CLSPN: variants seen among roughly 807,000 people sequenced by gnomAD.
CLSPN encodes claspin, also known as claspin homolog.
CLSPN carries 85 observed loss-of-function variants against 156.3 expected under a neutral mutation model. The observed-to-expected ratio is 0.54, with a 90% CI of 0.46 to 0.65. The LOEUF (loss-of-function observed/expected upper bound fraction) is 0.65, where lower values mean the gene tolerates loss of function less well. Ranked by LOEUF, CLSPN falls within the 30% of genes least tolerant of loss-of-function variation. The pLI, the probability that CLSPN is intolerant of heterozygous loss-of-function variation, is 0.00. For synonymous variants in CLSPN, 534 were observed against 542.4 expected, an observed-to-expected ratio of 0.98 and a Z score of 0.22; for missense variants, 1,407 against 1,554.9, an observed-to-expected ratio of 0.90 and a Z score of 1.60.
In CLSPN at chr1:35,734,124, A is replaced by C; in HGVS notation, c.*2372T>G. 1 of 985,418 alleles carries C rather than the reference A, an allele frequency of 1.0e-6. No individual in the cohort carries two copies. Among genetic ancestry groups the C allele is most frequent in the Non-Finnish European group, 1.2e-6 (1 of 829,924 alleles). 61.0% of individuals were successfully genotyped at this position (985,418 alleles called of 1,614,324 possible). ...GGACTGAGAAGCCAGTGAGGGGACAATTGCAGCAGCTTCTCAGTTTAGACC... is the reference window on the plus strand; with the variant it reads ...GGACTGAGAAGCCAGTGAGGGGACACTTGCAGCAGCTTCTCAGTTTAGACC... On this transcript the variant is annotated 3_prime_UTR_variant, in exon 25 of 25. Transcript: ENST00000318121.
intron 8 of CLSPN, among the ~76,000 whole-genome samples, chr1:35,754,269 T>C (rs925296247): frequency 2.6e-5 from 4 of 152,210 alleles, no homozygotes; most frequent in African/African-American, 9.6e-5. Context: ...GAAAAAAGAT[T>C]ATAATCTCAT....
At chr1:35,737,201 A>G in intron 23 of CLSPN, 126 bp from the exon 24 acceptor site, 1 of 1,220,010 alleles carries the variant, frequency 8.2e-7, no homozygotes, top group South Asian at 1.3e-5. Flanking sequence ...ATAGAAAAGA[A>G]ATAGCAGACT....
At chr1:35,730,972 C>T (rs1042588274), downstream of CLSPN, among the ~76,000 whole-genome samples, 1 of 151,944 alleles carries the variant, frequency 6.6e-6, no homozygotes, top group South Asian at 2.1e-4. Context: ...GAGGCCAAGG[C>T]GGGCGGATCA....
At chr1:35,751,653 G>C in intron 9 of CLSPN, 147 bp from the exon 10 acceptor site, 1 of 1,017,164 alleles carries the variant, frequency 9.8e-7, no homozygotes, top group Non-Finnish European at 1.4e-6. Context: ...GAACACAAGA[G>C]TATTATTATG....
At chr1:35,750,895 T>A (rs1459794273) in intron 10 of CLSPN, among the ~76,000 whole-genome samples, 4 of 151,978 alleles carry the variant, frequency 2.6e-5, no homozygotes, top group African/African-American at 9.7e-5. Flanking sequence ...TGCTTTTTAA[T>A]CTGCTAGAGA....
chr1:35,736,701 T>G (rs569458623), intron 24 of CLSPN, 95 bp from the exon 25 acceptor site: 8 of 1,481,052 alleles, frequency 5.4e-6, no homozygotes, highest in Non-Finnish European at 7.2e-6. Context: ...TTGTGGATGA[T>G]TAACAACAGA....
chr1:35,732,820 A>G lies in CLSPN; in HGVS notation c.*3676T>C, dbSNP rs544339534. 68 of 985,414 alleles carry G rather than the reference A, an allele frequency of 6.9e-5. No homozygotes were observed. The South Asian group carries it at 2.6e-3, about 37-fold the overall frequency. 61.0% of individuals were successfully genotyped at this position (985,414 alleles called of 1,614,324 possible). On this transcript the variant is annotated 3_prime_UTR_variant, in exon 25 of 25. Transcript: ENST00000318121. ...CATATGGGTCAGATTGAAACTGTCC[A>G]TGTCAATCCTGTTACCAAGATCAAG... is the stretch of plus-strand genomic sequence containing the variant.
Position 35,737,065 on chromosome 1 carries a change from C to T in CLSPN, c.3758G>A (p.Gly1253Asp). The change falls in exon 24 of 25, where the codon GGC becomes GAC. Residue 1253 changes from glycine (G) to aspartate (D), a missense_variant. Gly to Asp is a moderately conservative substitution (Grantham distance 94). Transcript: ENST00000318121. Reference protein sequence around the residue: ...RPGSAQQVKTGSLLNQPKAVL... With the variant: ...RPGSAQQVKTDSLLNQPKAVL... ...AGCTTTGGGCTGGTTTAGCAGTGAG[C>T]CTGTCTTCACCTGAGGAAAGAAGAG... 1 of 1,612,912 alleles carries T rather than the reference C, an allele frequency of 6.2e-7. No homozygotes were observed. The highest frequency in any genetic ancestry group is 8.5e-7 in the Non-Finnish European group (1 of 1,179,640).
chr1:35,761,028 T>G, intron 7 of CLSPN, 68 bp downstream of exon 7: 1 of 1,434,120 alleles, frequency 7.0e-7, no homozygotes, highest in African/African-American at 1.4e-5. Flanking sequence ...ATCTGAACTT[T>G]TTATGCCAGA....
chr1:35,764,412 TG>T lies in CLSPN; in HGVS notation c.435del (p.Thr146LeufsTer22), dbSNP rs1355310438. 1.9e-6 allele frequency: 3 copies of T among 1,614,078 alleles called. No homozygotes were observed. The highest frequency in any genetic ancestry group is 2.5e-6 in the Non-Finnish European group (3 of 1,179,990). On this transcript the variant is annotated frameshift_variant, in exon 3 of 25. Transcript: ENST00000318121. LOFTEE classifies it high-confidence loss of function. ...TGCTTTTTGGAACTCTTTCTGTCAGTGGTAAAGTCTGTAGAGTTTCCAGACT... is the reference window on the plus strand; with the variant it reads ...TGCTTTTTGGAACTCTTTCTGTCAGTGTAAAGTCTGTAGAGTTTCCAGACT... ...SLQSGNSTDFTTDRKSSKKHI... is the reference protein window; with the variant it reads ...SLQSGNSTDFXTDRKSSKKHI...
At chr1:35,764,131 T>C in intron 3 of CLSPN, 135 bp downstream of exon 3, 1 of 636,674 alleles carries the variant, frequency 1.6e-6, no homozygotes. Flanking sequence ...ACATACCTAT[T>C]GAGAATAATT....
intron 20 of CLSPN, 45 bp from the exon 21 acceptor site, chr1:35,738,627 G>C: frequency 6.2e-7 from 1 of 1,607,910 alleles, no homozygotes. Context: ...GTCCTCACAG[G>C]AGAGGGTGCT....
intron 18 of CLSPN, among the ~76,000 whole-genome samples, chr1:35,742,126 G>T (rs1317120916): frequency 6.7e-6 from 1 of 149,284 alleles, no homozygotes; most frequent in East Asian, 2.0e-4. Flanking sequence ...ACAAAAAATA[G>T]AAAGAATTAG....
At chr1:35,720,925 C>A (rs776534573) in exon 25 of CLSPN, 1 of 1,612,262 alleles carries the variant, frequency 6.2e-7, no homozygotes, top group Non-Finnish European at 8.5e-7. Context: ...CCTGAAGAAT[C>A]CAGGGATAGG....
At chr1:35,738,664 C>G (rs1463180648) in intron 20 of CLSPN, 82 bp from the exon 21 acceptor site, 3 of 1,395,852 alleles carry the variant, frequency 2.1e-6, no homozygotes, top group Non-Finnish European at 3.0e-6. Context: ...AAACCCTTAT[C>G]ATTTACTATA....
chr1:35,746,803 T>C lies in CLSPN; in HGVS notation c.2817A>G (p.Glu939=), dbSNP rs1641896637. 29 of 1,613,862 alleles carry C rather than the reference T, an allele frequency of 1.8e-5. No homozygotes were observed. Among genetic ancestry groups the C allele is most frequent in the Non-Finnish European group, 2.5e-5 (29 of 1,179,790 alleles). ...ATTTTCCTGAACAAAGGTTCAGAAG[T>C]TCCTCCATGTTCTCTTTCTTGTCAC... ...RKSDKKENME[E]LLNLCSGKFT... Residue 939 remains glutamate, a synonymous_variant, in exon 15 of 25, where the codon GAA becomes GAG. Coordinates refer to ENST00000318121, the MANE Select transcript of CLSPN (RefSeq NM_022111.4). This position sits in a 1 kb window ranked among gnomAD's most constrained non-coding sequence, Gnocchi z 4.2.
Position 35,751,303 on chromosome 1 carries a change from G to A in CLSPN, c.1975C>T (p.Leu659=). ...KVEKEEKEEE[L]EEEEEKEEEE... is the part of the protein sequence containing the mutation. Reference sequence around the variant, plus strand: ...TCTTCTTTCTCCTCCTCTTCCTCTAGTTCTTCCTCTTTCTCTTCTTTCTCT... The same window carrying A: ...TCTTCTTTCTCCTCCTCTTCCTCTAATTCTTCCTCTTTCTCTTCTTTCTCT... Residue 659 remains leucine, a synonymous_variant, in exon 10 of 25, where the codon CTA becomes TTA. Transcript: ENST00000318121. The A allele has an allele frequency of 6.3e-7, 1 of 1,585,908 alleles. No homozygotes were observed. The highest frequency in any genetic ancestry group is 8.6e-7 in the Non-Finnish European group (1 of 1,165,086).
rs1217874520 is a variant in CLSPN, at chr1:35,738,440, T to A, written c.3558+15A>T. ...ACAGTCTCATAAACTAGGGTCAGAGTAGGTGAACTCCTACCATGTCCCGAA... is the reference window on the plus strand; with the variant it reads ...ACAGTCTCATAAACTAGGGTCAGAGAAGGTGAACTCCTACCATGTCCCGAA... On this transcript the variant is annotated intron_variant, in intron 21 of 24. Transcript: ENST00000318121. 1 of 1,612,876 alleles carries A rather than the reference T, an allele frequency of 6.2e-7. No homozygotes were observed. Among genetic ancestry groups the A allele is most frequent in the Non-Finnish European group, 8.5e-7 (1 of 1,179,356 alleles).
At chr1:35,736,792 C>T (rs780961495) in intron 24 of CLSPN, 122 bp downstream of exon 24, 18 of 1,317,890 alleles carry the variant, frequency 1.4e-5, no homozygotes, top group African/African-American at 3.0e-5. Context: ...TGTACCTTAT[C>T]GGGGAGTGCA....
Sources: gnomAD v4.1 joint callset for allele counts (sites outside exome capture counted in the v4.1 genomes callset) on GRCh38, gnomAD v4.1.1 for gene constraint, Gnocchi (gnomAD v3.1) non-coding constraint, MANE v1.5 for transcripts, NCBI Gene and HGNC (gene_info 2026-07-23, HGNC 2026-07-21) for gene names.